The following CNTNAP4 variants were observed in gnomAD, a reference collection of about 807,000 sequenced individuals.
CNTNAP4 encodes the protein contactin associated protein family member 4.
Under a neutral mutation model 148.4 loss-of-function variants are expected in CNTNAP4, and 98 were observed. The observed-to-expected ratio is 0.66, with a 90% CI of 0.56 to 0.78. The LOEUF is 0.78. Ranked by LOEUF, CNTNAP4 falls within the 30% of genes least tolerant of loss-of-function variation. The probability of loss-of-function intolerance (pLI) is 0.00; values close to 1 mark genes in which losing one functional copy is unlikely to be tolerated. For synonymous variants in CNTNAP4, 730 were observed against 565.1 expected (o/e 1.29, Z -4.14); for missense variants, 1,935 against 1,565.6 (o/e 1.24, Z -3.98).
chr16:76,505,571 T>C lies in CNTNAP4; in HGVS notation c.2365+6877T>C, dbSNP rs2082812410. On this transcript the variant is annotated intron_variant, in intron 15 of 23. Coordinates refer to ENST00000611870, the MANE Select transcript of CNTNAP4 (RefSeq NM_033401.5). The stretch of plus-strand genomic sequence containing the variant: ...GTGGTGTTTTTATGGTTTCAGGTCC[T>C]TTTCAACTTCTAGAGCTACACACAA... 2.1e-5 allele frequency among the ~76,000 whole-genome samples: 2 copies of C among 97,322 alleles called. 1 individual carries two copies. Among genetic ancestry groups the C allele is most frequent in the South Asian group, 8.2e-4 (2 of 2,446 alleles). 63.8% of individuals were successfully genotyped at this position (97,322 alleles called of 152,430 possible). A position where few individuals can be genotyped will look rare whatever the true frequency, so the allele number is the denominator to read the frequency against.
At chr16:76,464,181 C>A (rs1446806437) in intron 9 of CNTNAP4, among the ~76,000 whole-genome samples, 1 of 152,184 alleles carries the variant, frequency 6.6e-6, no homozygotes, top group African/African-American at 2.4e-5. Context: ...TTCCAAGAAG[C>A]CCACTTAGGG....
intron 16 of CNTNAP4, among the ~76,000 whole-genome samples, chr16:76,521,574 A>G (rs1167273142): frequency 6.6e-6 from 1 of 152,152 alleles, no homozygotes; most frequent in African/African-American, 2.4e-5. Flanking sequence ...CTAAAACACA[A>G]TTTTTTAGTT....
chr16:76,309,618 A>T (rs1241910805), intron 1 of CNTNAP4, among the ~76,000 whole-genome samples: 1 of 152,228 alleles, frequency 6.6e-6, no homozygotes, highest in Non-Finnish European at 1.5e-5. Context: ...GCTGTAAGTT[A>T]TTAAGTCCTG....
chr16:76,490,080 C>T (rs555616585), intron 13 of CNTNAP4, among the ~76,000 whole-genome samples, 197 bp downstream of exon 13: 68 of 152,298 alleles, frequency 4.5e-4, no homozygotes, highest in African/African-American at 1.6e-3. Context: ...GGTCAATTTA[C>T]ACTGAGCTTT....
chr16:76,446,545 A>C (rs769161488), intron 4 of CNTNAP4, among the ~76,000 whole-genome samples: 1 of 152,196 alleles, frequency 6.6e-6, no homozygotes, highest in Non-Finnish European at 1.5e-5. Context: ...TGAAATGAGT[A>C]AGAGTGATTT....
At chr16:76,317,764 T>C (rs1961956596) in intron 2 of CNTNAP4, among the ~76,000 whole-genome samples, 1 of 152,152 alleles carries the variant, frequency 6.6e-6, no homozygotes, top group Non-Finnish European at 1.5e-5. Flanking sequence ...ATACATAATA[T>C]ATATCACACA....
At chr16:76,415,579 G>T (rs2078943675) in intron 3 of CNTNAP4, among the ~76,000 whole-genome samples, 1 of 150,766 alleles carries the variant, frequency 6.6e-6, no homozygotes, top group Non-Finnish European at 1.5e-5. Flanking sequence ...GTATTTAGTT[G>T]CCATAAAATG....
chr16:76,312,217 C>T (rs1395768425), intron 1 of CNTNAP4, among the ~76,000 whole-genome samples: 1 of 152,122 alleles, frequency 6.6e-6, no homozygotes, highest in Admixed American at 6.6e-5. Context: ...TTTAACAGCA[C>T]CCCTGGATTC....
At chr16:76,499,953 A>G (rs2082561908) in intron 15 of CNTNAP4, among the ~76,000 whole-genome samples, 2 of 152,082 alleles carry the variant, frequency 1.3e-5, no homozygotes, top group Non-Finnish European at 1.5e-5. Context: ...TCCTATGTCT[A>G]CTTCTTTCTA....
At chr16:76,523,440 T>C (rs1011349914) in intron 17 of CNTNAP4, among the ~76,000 whole-genome samples, 3 of 152,134 alleles carry the variant, frequency 2.0e-5, no homozygotes, top group Non-Finnish European at 4.4e-5. Flanking sequence ...TGTTCCTTTA[T>C]TTCCTAAATC....
chr16:76,360,298 T>C (rs1322059001), intron 3 of CNTNAP4, among the ~76,000 whole-genome samples: 4 of 152,302 alleles, frequency 2.6e-5, no homozygotes, highest in South Asian at 2.1e-4. Flanking sequence ...CCGTGAATGA[T>C]TGAGGTGTCA....
rs2082490945 is a variant in CNTNAP4 at position 76,498,560 on chromosome 16, T to C, written c.2238-7T>C. The C allele has an allele frequency of 6.2e-7, 1 of 1,603,220 alleles. No homozygotes were observed. Among genetic ancestry groups the C allele is most frequent in the Non-Finnish European group, 8.5e-7 (1 of 1,176,328 alleles). Reference sequence around the variant, plus strand: ...TTAAGAATTTTGTTGTTGCTATTGTTTTTTAGGACCAATGACACTGGATTG... The same window carrying C: ...TTAAGAATTTTGTTGTTGCTATTGTCTTTTAGGACCAATGACACTGGATTG... On this transcript the variant is annotated splice_region_variant and splice_polypyrimidine_tract_variant and intron_variant, in intron 14 of 23. Transcript: ENST00000611870.
At chr16:76,460,577 C>A (rs1476531626) in intron 8 of CNTNAP4, among the ~76,000 whole-genome samples, 1 of 144,484 alleles carries the variant, frequency 6.9e-6, no homozygotes, top group South Asian at 2.3e-4. Flanking sequence ...CTGGCTAACA[C>A]GGTGAAACCC....
At position 76,325,292 on chromosome 16, in the gene CNTNAP4, A is replaced by G. The variant is rs1049818495; in HGVS notation, c.196+8769A>G. Among the ~76,000 whole-genome samples, 12 of 152,282 alleles carry G rather than the reference A, an allele frequency of 7.9e-5. 2 individuals carry two copies. In the East Asian group the frequency reaches 2.1e-3, roughly 27 times the overall value. ...AATGTATATTTATATACTGTGTGTA[A>G]TGTATATTTATATACTCTGTGTAGT... On this transcript the variant is annotated intron_variant, in intron 2 of 23. Transcript: ENST00000611870.
intron 17 of CNTNAP4, among the ~76,000 whole-genome samples, chr16:76,522,726 CTT>C (rs1366487289): frequency 9.4e-5 from 6 of 63,822 alleles, no homozygotes; most frequent in African/African-American, 3.9e-4. Context: ...CTTTTCTTTT[CTT>C]TTCTTTTCTT....
At chr16:76,495,323 G>T in intron 14 of CNTNAP4, 1 of 225,054 alleles carries the variant, frequency 4.4e-6, no homozygotes, top group African/African-American at 2.3e-5. Flanking sequence ...TGTTATATGG[G>T]GAATTAATTA....
intron 3 of CNTNAP4, among the ~76,000 whole-genome samples, chr16:76,423,471 C>T (rs766824123): frequency 4.6e-5 from 7 of 152,144 alleles, no homozygotes; most frequent in Non-Finnish European, 7.4e-5. Context: ...TAAAGGAAGA[C>T]ATAAATGTCC....
chr16:76,303,755 G>A (rs1026023409), intron 1 of CNTNAP4, among the ~76,000 whole-genome samples: 1 of 152,164 alleles, frequency 6.6e-6, no homozygotes, highest in African/African-American at 2.4e-5. Flanking sequence ...CTGAAGAGAT[G>A]TAAAGAAAAC....
chr16:76,289,186 A>G (rs1959011155), intron 1 of CNTNAP4, among the ~76,000 whole-genome samples: 1 of 152,182 alleles, frequency 6.6e-6, no homozygotes, highest in Non-Finnish European at 1.5e-5. Flanking sequence ...TAAAATTGGA[A>G]CAGCATCAGC....
Sources: gnomAD v4.1 joint callset for allele counts (sites outside exome capture counted in the v4.1 genomes callset) on GRCh38, gnomAD v4.1.1 for gene constraint, MANE v1.5 for transcripts, NCBI Gene and HGNC (gene_info 2026-07-23, HGNC 2026-07-21) for gene names.